The following QRICH2 variants were observed in gnomAD, a reference collection of about 807,000 sequenced individuals.
QRICH2 encodes the protein glutamine-rich protein 2.
Under a neutral mutation model 168.3 loss-of-function variants are expected in QRICH2, and 119 were observed. The ratio of observed to expected loss-of-function variants is 0.71; its 90% confidence interval spans 0.61 to 0.82. The LOEUF (loss-of-function observed/expected upper bound fraction) is 0.82. QRICH2 is among the 40% of genes least tolerant of loss of function. The pLI is 0.00. For synonymous variants in QRICH2, 894 were observed against 951.2 expected, an observed-to-expected ratio of 0.94 and a Z score of 1.11; for missense variants, 2,241 against 2,491.6, an observed-to-expected ratio of 0.90 and a Z score of 2.14.
chr17:76,285,982 C>T (rs990062880), intron 7 of QRICH2, among the ~76,000 whole-genome samples: 6 of 152,080 alleles, frequency 3.9e-5, no homozygotes, highest in South Asian at 2.1e-4. Context: ...ACCATCCTGG[C>T]TAACACAGTG....
At chr17:76,290,968 T>A in intron 4 of QRICH2, 47 bp downstream of exon 4, 1 of 1,583,612 alleles carries the variant, frequency 6.3e-7, no homozygotes, top group East Asian at 2.3e-5. Flanking sequence ...TGAAACCAAC[T>A]GAAAACAGAG....
chr17:76,298,983 G>C (rs9900014), intron 3 of QRICH2, among the ~76,000 whole-genome samples: 45,571 of 151,878 alleles, frequency 0.3, 8,104 homozygotes, highest in East Asian at 0.58. Flanking sequence ...TGAAATGCAG[G>C]GATCTTTCCT....
rs757305529 is a variant in QRICH2 at position 76,291,674 on chromosome 17, T to C, written c.3053A>G (p.Gln1018Arg). 6.2e-7 allele frequency: 1 copy of C among 1,614,160 alleles called. No homozygotes were observed. Among genetic ancestry groups the C allele is most frequent in the Admixed American group, 1.7e-5 (1 of 60,010 alleles). The change falls in exon 4 of 19, where the codon CAA becomes CGA. Residue 1018 changes from glutamine (Q) to arginine (R), a missense_variant. Transcript: ENST00000680821. ...QHGMVPPGRE[Q>R]YGQVSPLLAS... is the part of the protein sequence containing the mutation. ...TAGGAGTGGTGACACCTGGCCGTATTGTTCTCTGCCAGGAGGTACCATACC... is the reference window on the plus strand; with the variant it reads ...TAGGAGTGGTGACACCTGGCCGTATCGTTCTCTGCCAGGAGGTACCATACC...
chr17:76,309,278 C>A (rs1381467824), upstream of QRICH2, among the ~76,000 whole-genome samples: 1 of 150,266 alleles, frequency 6.7e-6, no homozygotes, highest in African/African-American at 2.4e-5. Context: ...ATCGCGTCAA[C>A]CCGGGAGGCA....
rs375018416 is a variant in QRICH2 at position 76,290,026 on chromosome 17, G to A, written c.3764C>T (p.Thr1255Met). 2.4e-5 allele frequency: 38 copies of A among 1,611,686 alleles called. No individual in the cohort carries two copies. The highest frequency in any genetic ancestry group is 2.1e-4 in the African/African-American group (16 of 74,806). ...ELQEQLKTVK[T>M]LAKEVWQEKA... ...CTCCTGCCAAACTTCTTTGGCTAGCGTCTTTACGGTCTTCAGCTGCTCCTG... is the reference window on the plus strand; with the variant it reads ...CTCCTGCCAAACTTCTTTGGCTAGCATCTTTACGGTCTTCAGCTGCTCCTG... Residue 1255 changes from threonine to methionine, a missense_variant, in exon 5 of 19, where the codon ACG becomes ATG. Around this residue, in one of 3 missense-constraint regions of QRICH2, gnomAD observed 2,047 missense variants for 2,303.8 expected, o/e 0.89. Coordinates refer to ENST00000680821, the MANE Select transcript of QRICH2 (RefSeq NM_001388453.1).
chr17:76,310,874 C>T (rs1487898792), upstream of QRICH2: 1 of 151,850 alleles, frequency 6.6e-6, no homozygotes, highest in Non-Finnish European at 1.5e-5. Flanking sequence ...TGTCCAGCCA[C>T]AGACCTGACT....
At chr17:76,290,214 A>C (rs955170139) in intron 4 of QRICH2, 137 bp from the exon 5 acceptor site, 5 of 565,392 alleles carry the variant, frequency 8.8e-6, no homozygotes, top group African/African-American at 1.9e-5. Context: ...TCTCCTGGTG[A>C]CTGGGAAAGG....
At chr17:76,308,477 C>T (rs746168909), upstream of QRICH2, 139 of 985,242 alleles carry the variant, frequency 1.4e-4, no homozygotes, top group Non-Finnish European at 1.7e-4. Flanking sequence ...TCACTCTTGG[C>T]GGGGCCACAT....
In QRICH2 at chr17:76,277,238, G is replaced by T. The variant is rs746391928; in HGVS notation, c.5190C>A (p.Tyr1730Ter). ...RRCGGSHTLT[Y>*]PYHRSRPQHL... ...GCTGCGGGCGGCTGCGGTGGTAGGG[G>T]TAGGTGAGGGTGTGGCTGCCCCCGC... The change falls in exon 16 of 19, where the codon TAC becomes TAA. Residue 1730 changes from tyrosine to a stop codon, truncating the protein, a stop_gained. Transcript: ENST00000680821. LOFTEE classifies it high-confidence loss of function. 1.9e-6 allele frequency: 3 copies of T among 1,603,722 alleles called. No homozygotes were observed. The highest frequency in any genetic ancestry group is 2.7e-5 in the African/African-American group (2 of 74,284).
chr17:76,298,312 G>T (rs2070836813), intron 3 of QRICH2, among the ~76,000 whole-genome samples: 1 of 150,578 alleles, frequency 6.6e-6, no homozygotes, highest in African/African-American at 2.5e-5. Flanking sequence ...CCGAGTAGCT[G>T]GGACTACAGG....
In QRICH2 at chr17:76,290,068, G is replaced by A; in HGVS notation, c.3722C>T (p.Thr1241Ile). The change falls in exon 5 of 19, where the codon ACC (threonine) becomes ATC (isoleucine). Residue 1241 changes from threonine to isoleucine, a missense_variant. By Grantham distance (89) the Thr-to-Ile change is moderately conservative (BLOSUM62 -1). Around this residue, in one of 3 missense-constraint regions of QRICH2, gnomAD observed 2,047 missense variants for 2,303.8 expected, o/e 0.89. Coordinates refer to ENST00000680821, the MANE Select transcript of QRICH2 (RefSeq NM_001388453.1). ...CTGCTCCTGCAGTTCAGGAGGTATG[G>A]TCCTTTTGACTATGGAAAGCAGAAG... ...QFLLAQMVKR[T>I]IPPELQEQLK... The A allele has an allele frequency of 6.2e-7, 1 of 1,611,594 alleles. No individual in the cohort carries two copies. Among genetic ancestry groups the A allele is most frequent in the Admixed American group, 1.7e-5 (1 of 59,970 alleles).
chr17:76,305,473 T>C (rs1242903690), intron 1 of QRICH2, among the ~76,000 whole-genome samples: 1 of 152,208 alleles, frequency 6.6e-6, no homozygotes, highest in East Asian at 1.9e-4. Flanking sequence ...ACCTGGTTTT[T>C]ACCTGGCCAG....
chr17:76,297,602 C>T (rs552322197), intron 3 of QRICH2, among the ~76,000 whole-genome samples: 3 of 152,234 alleles, frequency 2.0e-5, no homozygotes, highest in Non-Finnish European at 4.4e-5. Flanking sequence ...TACAAAGAGG[C>T]AGGAAGACAT....
At position 76,280,783 on chromosome 17, in the gene QRICH2, C is replaced by T. The variant is rs994497551; in HGVS notation, c.4386+48G>A. ...AGAGCCAGCAGCTGCGGGGCTAGGG[C>T]ACCACATTGAGCCCCGGCCCCATCC... is the stretch of plus-strand genomic sequence containing the variant. On this transcript the variant is annotated intron_variant, in intron 9 of 18. Transcript: ENST00000680821. This position sits in a 1 kb window ranked among gnomAD's most constrained non-coding sequence, Gnocchi z 7.4. The T allele has an allele frequency of 3.1e-6, 5 of 1,614,004 alleles. No homozygotes were observed. The highest frequency in any genetic ancestry group is 1.6e-4 in the Middle Eastern group (1 of 6,062).
intron 4 of QRICH2, 29 bp from the exon 5 acceptor site, chr17:76,290,106 A>AG (rs910245675): frequency 1.3e-5 from 21 of 1,556,580 alleles, no homozygotes; most frequent in Non-Finnish European, 1.9e-5. Context: ...TTATGATCAG[A>AG]GGGGTTAGAT....
At chr17:76,290,537 C>T (rs780631669) in intron 4 of QRICH2, among the ~76,000 whole-genome samples, 6 of 151,586 alleles carry the variant, frequency 4.0e-5, no homozygotes, top group African/African-American at 1.2e-4. Flanking sequence ...TGTGCCACCA[C>T]GCCTGGCTAA....
At chr17:76,310,331 G>C (rs2071057563), upstream of QRICH2, 1 of 150,830 alleles carries the variant, frequency 6.6e-6, no homozygotes, top group Non-Finnish European at 1.5e-5. Context: ...AACTTAGCTA[G>C]GCTAATTTTT....
At chr17:76,305,001 G>GCACA in intron 1 of QRICH2, 60 bp from the exon 2 acceptor site, 1 of 1,078,954 alleles carries the variant, frequency 9.3e-7, no homozygotes, top group Non-Finnish European at 1.4e-6. Context: ...ACACTCACAT[G>GCACA]CACACACACA....
chr17:76,275,494 C>G (rs1022754587), intron 18 of QRICH2, among the ~76,000 whole-genome samples: 6 of 152,330 alleles, frequency 3.9e-5, no homozygotes, highest in Non-Finnish European at 8.8e-5. Context: ...CCAGCAGCCA[C>G]CATGCAGAGC....
Sources: gnomAD v4.1 joint callset for allele counts (sites outside exome capture counted in the v4.1 genomes callset) on GRCh38, gnomAD v4.1.1 for gene constraint, gnomAD v4.1.1 regional missense constraint, Gnocchi (gnomAD v3.1) non-coding constraint, MANE v1.5 for transcripts, NCBI Gene and HGNC (gene_info 2026-07-23, HGNC 2026-07-21) for gene names.